MRPL13: variants seen among roughly 807,000 people sequenced by gnomAD.
MRPL13 encodes large ribosomal subunit protein uL13m.
In MRPL13, 33 loss-of-function variants were observed where a neutral mutation model predicts 29.0. The observed-to-expected ratio is 1.14, with a 90% CI of 0.86 to 1.52. The LOEUF (loss-of-function observed/expected upper bound fraction) is 1.52. MRPL13 is among the 40% of genes most tolerant of loss of function. MRPL13 has a pLI of 0.00. For missense variants in MRPL13, 227 were observed against 216.7 expected, an observed-to-expected ratio of 1.05 and a Z score of -0.30; for synonymous variants, 77 against 68.4, an observed-to-expected ratio of 1.13 and a Z score of -0.62.
At chr8:120,416,318 C>A (rs987693322) in intron 5 of MRPL13, among the ~76,000 whole-genome samples, 1 of 152,014 alleles carries the variant, frequency 6.6e-6, no homozygotes, top group Admixed American at 6.6e-5. Context: ...CACGGTGAAA[C>A]CCCGTCTCTA....
At chr8:120,401,265 C>A (rs889316809) in intron 6 of MRPL13, among the ~76,000 whole-genome samples, 2 of 152,144 alleles carry the variant, frequency 1.3e-5, no homozygotes, top group Non-Finnish European at 2.9e-5. Context: ...AAAACACTGG[C>A]AAACTGAATC....
intron 6 of MRPL13, among the ~76,000 whole-genome samples, chr8:120,404,522 C>A (rs1812642803): frequency 1.3e-5 from 2 of 152,164 alleles, no homozygotes; most frequent in Non-Finnish European, 2.9e-5. Flanking sequence ...CTCTTCACAA[C>A]AATTCCTTTC....
intron 1 of MRPL13, among the ~76,000 whole-genome samples, chr8:120,444,035 G>A (rs577851452): frequency 3.9e-5 from 6 of 152,082 alleles, no homozygotes; most frequent in South Asian, 4.2e-4. Context: ...AAAATAGAAC[G>A]AGGCTAGCTG....
chr8:120,419,981 C>A, intron 4 of MRPL13, 43 bp from the exon 5 acceptor site: 2 of 1,300,398 alleles, frequency 1.5e-6, no homozygotes, highest in Middle Eastern at 1.9e-4. Flanking sequence ...TTGTGACTTG[C>A]GATAGTAAGA....
rs368252581 is a variant in MRPL13, at chr8:120,427,175, C to T, written c.246-1809G>A. 8.3e-4 allele frequency among the ~76,000 whole-genome samples: 126 copies of T among 152,072 alleles called. 1 individual carries two copies. The highest frequency in any genetic ancestry group is 2.9e-3 in the African/African-American group (121 of 41,498). On this transcript the variant is annotated intron_variant, in intron 3 of 6. Coordinates refer to ENST00000306185, the MANE Select transcript of MRPL13 (RefSeq NM_014078.6). ...GGATTAATAATCTTAATAGATAAAA[C>T]GTCCATAGAAAGTGATAAAGTAACA...
At chr8:120,413,483 C>T (rs925376761) in intron 6 of MRPL13, among the ~76,000 whole-genome samples, 2 of 152,106 alleles carry the variant, frequency 1.3e-5, no homozygotes, top group African/African-American at 4.8e-5. Flanking sequence ...GCAAAAAAGC[C>T]TAGAAACAAC....
intron 5 of MRPL13, chr8:120,415,875 T>A (rs983048241): frequency 1.3e-5 from 2 of 152,166 alleles, no homozygotes; most frequent in Non-Finnish European, 1.5e-5. Context: ...TTCATACTTC[T>A]TTGGAAAGCC....
intron 2 of MRPL13, among the ~76,000 whole-genome samples, chr8:120,435,243 G>A (rs1813040143): frequency 2.0e-5 from 3 of 152,066 alleles, no homozygotes. Context: ...AGGTTCAGGG[G>A]TAAATGTACA....
Position 120,426,212 on chromosome 8 carries a change from C to T in MRPL13, c.246-846G>A, listed in dbSNP as rs150753222. On this transcript the variant is annotated intron_variant, in intron 3 of 6. Coordinates refer to ENST00000306185, the MANE Select transcript of MRPL13 (RefSeq NM_014078.6). ...TTTTCCTAAACAGATGAAGTCCAAA[C>T]GATTTTCAAGAAAGGGGGAAGAAAT... 8.4e-4 allele frequency among the ~76,000 whole-genome samples: 128 copies of T among 151,932 alleles called. 1 individual carries two copies. Among genetic ancestry groups the T allele is most frequent in the African/African-American group, 2.8e-3 (115 of 41,464 alleles).
intron 6 of MRPL13, among the ~76,000 whole-genome samples, chr8:120,396,844 G>A (rs1812529811): frequency 6.6e-6 from 1 of 152,196 alleles, no homozygotes; most frequent in Non-Finnish European, 1.5e-5. Flanking sequence ...GAAGGAAGTT[G>A]GTAACAAACT....
chr8:120,404,461 A>G (rs1812641779), intron 6 of MRPL13, among the ~76,000 whole-genome samples: 1 of 152,210 alleles, frequency 6.6e-6, no homozygotes, highest in African/African-American at 2.4e-5. Context: ...CTGCCTGGCA[A>G]CCATGACTAA....
chr8:120,408,091 G>C (rs917215581), intron 6 of MRPL13, among the ~76,000 whole-genome samples: 3 of 152,130 alleles, frequency 2.0e-5, no homozygotes, highest in Non-Finnish European at 4.4e-5. Context: ...AATTTTCCTA[G>C]GCACTGTAGC....
At chr8:120,438,207 C>T (rs1813076992) in intron 2 of MRPL13, among the ~76,000 whole-genome samples, 1 of 152,050 alleles carries the variant, frequency 6.6e-6, no homozygotes, top group African/African-American at 2.4e-5. Flanking sequence ...ACGAAAACTA[C>T]AAGAAACTTA....
chr8:120,440,725 A>AT (rs1813111457), intron 2 of MRPL13, among the ~76,000 whole-genome samples: 1 of 151,426 alleles, frequency 6.6e-6, no homozygotes, highest in Non-Finnish European at 1.5e-5. Flanking sequence ...TAAAATAATA[A>AT]TAAATAAATA....
chr8:120,415,197 AT>A (rs1292059885), intron 5 of MRPL13: 1 of 152,216 alleles, frequency 6.6e-6, no homozygotes, highest in Non-Finnish European at 1.5e-5. Flanking sequence ...TGGATGATAA[AT>A]TGATTTTGGG....
chr8:120,433,815 TTCTG>T (rs1813022793), intron 2 of MRPL13, among the ~76,000 whole-genome samples: 1 of 152,134 alleles, frequency 6.6e-6, no homozygotes, highest in Admixed American at 6.6e-5. Flanking sequence ...GCACAGTTGT[TTCTG>T]TCTAAATTTC....
chr8:120,409,705 G>A (rs1454142931), intron 6 of MRPL13, among the ~76,000 whole-genome samples: 5 of 152,096 alleles, frequency 3.3e-5, no homozygotes, highest in African/African-American at 9.7e-5. Flanking sequence ...CATGATTTAT[G>A]TAAAATATAC....
At chr8:120,431,339 T>C (rs991068130) in intron 3 of MRPL13, among the ~76,000 whole-genome samples, 12 of 152,152 alleles carry the variant, frequency 7.9e-5, no homozygotes, top group African/African-American at 2.9e-4. Context: ...CATGAGATGA[T>C]AAAATCAGGA....
chr8:120,428,761 T>C (rs986962995), intron 3 of MRPL13, among the ~76,000 whole-genome samples: 12 of 151,870 alleles, frequency 7.9e-5, no homozygotes, highest in Non-Finnish European at 1.5e-4. Context: ...ATTAGAGAAA[T>C]GCAAATCAAA....
Sources: gnomAD v4.1 joint callset for allele counts (sites outside exome capture counted in the v4.1 genomes callset) on GRCh38, gnomAD v4.1.1 for gene constraint, MANE v1.5 for transcripts, NCBI Gene and HGNC (gene_info 2026-07-23, HGNC 2026-07-21) for gene names.